Variants in GSE1 observed in about 807,000 individuals in gnomAD.
The protein encoded by GSE1 is Gse1 coiled-coil protein.
A neutral mutation model predicts 112.6 loss-of-function variants in GSE1; 32 were observed. That is an observed-to-expected ratio of 0.28 (90% CI 0.21 to 0.38). GSE1 has a LOEUF of 0.38. GSE1 is among the 10% of genes least tolerant of loss of function. The probability of loss-of-function intolerance (pLI) is 1.00; values close to 1 mark genes in which losing one functional copy is unlikely to be tolerated. For synonymous variants in GSE1, 1,115 were observed against 735.6 expected, an observed-to-expected ratio of 1.52 and a Z score of -8.35; for missense variants, 2,348 against 1,699.2, an observed-to-expected ratio of 1.38 and a Z score of -6.71.
rs111883715 is a variant in GSE1 at position 85,412,850 on chromosome 16, C to T, written c.2464+55207C>T. Among the ~76,000 whole-genome samples the T allele has an allele frequency of 3.3e-3, 509 of 152,252 alleles. 4 individuals are homozygous for T. Among genetic ancestry groups the T allele is most frequent in the African/African-American group, 0.011 (462 of 41,512 alleles). ...CCCTTACCTTTTTGCCATATAAAGC[C>T]GCATTCACAGGTTCCAGGGATGAGG... On this transcript the variant is annotated intron_variant, in intron 2 of 2. Coordinates refer to the GSE1 transcript ENST00000637419.
chr16:85,361,572 C>A (rs570715080), intron 2 of GSE1, among the ~76,000 whole-genome samples: 1 of 152,224 alleles, frequency 6.6e-6, no homozygotes, highest in Non-Finnish European at 1.5e-5. Flanking sequence ...GGGGCAGGAG[C>A]CTTTACCAGC....
At chr16:85,360,151 T>C (rs770386839) in intron 2 of GSE1, among the ~76,000 whole-genome samples, 6 of 152,178 alleles carry the variant, frequency 3.9e-5, no homozygotes, top group Non-Finnish European at 7.4e-5. Context: ...TGGTCACTCC[T>C]GAGTCCCTGG....
Position 85,672,525 on chromosome 16 carries a change from G to C in GSE1, c.3640G>C (p.Gly1214Arg), listed in dbSNP as rs566260105. The C allele has an allele frequency of 6.2e-7, 1 of 1,605,242 alleles. No homozygotes were observed. Among genetic ancestry groups the C allele is most frequent in the Non-Finnish European group, 8.5e-7 (1 of 1,173,152 alleles). Reference protein sequence around the residue: ...AMHWPRGYLKGYPR With the variant: ...AMHWPRGYLKRYPR ...GCACTGGCCTAGGGGCTACCTGAAG[G>C]GATATCCCAGGTGACGGTTTCCCTT... The change falls in exon 16 of 16, where the codon GGA becomes CGA. Residue 1214 changes from glycine (G) to arginine (R), a missense_variant. By Grantham distance (125) the Gly-to-Arg change is moderately radical. Transcript: ENST00000253458.
intron 2 of GSE1, among the ~76,000 whole-genome samples, chr16:85,440,935 G>A (rs142246571): frequency 3.9e-5 from 6 of 152,326 alleles, no homozygotes; most frequent in Non-Finnish European, 5.9e-5. Context: ...GTGGCAATTC[G>A]AGCCCTGGGC....
chr16:85,666,809 C>T (rs929932183), intron 13 of GSE1, among the ~76,000 whole-genome samples: 1 of 152,252 alleles, frequency 6.6e-6, no homozygotes, highest in South Asian at 2.1e-4. Flanking sequence ...AAGATGTCAC[C>T]ACCAGCCCTC....
intron 7 of GSE1, 104 bp downstream of exon 7, chr16:85,656,769 A>C: frequency 1.4e-6 from 2 of 1,410,238 alleles, no homozygotes; most frequent in East Asian, 2.5e-5. Context: ...AATGTTCCCC[A>C]GCTGAGTTCG....
chr16:85,556,146 G>GGA (rs1411774441), exon 1 of GSE1: 89 of 957,926 alleles, frequency 9.3e-5, no homozygotes, highest in Non-Finnish European at 1.1e-4. Flanking sequence ...TGCGGGGCGG[G>GGA]GGGGGGAAAG....
chr16:85,662,761 G>A, intron 9 of GSE1: 1 of 541,048 alleles, frequency 1.8e-6, no homozygotes, highest in Non-Finnish European at 3.3e-6. Context: ...GCTACTGGGA[G>A]CCATGGATCC....
chr16:85,500,621 C>T (rs891372399), intron 2 of GSE1, among the ~76,000 whole-genome samples: 2 of 152,226 alleles, frequency 1.3e-5, no homozygotes, highest in African/African-American at 4.8e-5. Context: ...GCCAGGGCAT[C>T]GGCCAGCCGC....
At chr16:85,524,407 G>T (rs1351017331) in intron 2 of GSE1, among the ~76,000 whole-genome samples, 1 of 152,164 alleles carries the variant, frequency 6.6e-6, no homozygotes, top group Non-Finnish European at 1.5e-5. Flanking sequence ...GCGAAGCTCA[G>T]AATGGGATAG....
At chr16:85,222,001 C>A (rs1423788379) in intron 1 of GSE1, among the ~76,000 whole-genome samples, 1 of 152,152 alleles carries the variant, frequency 6.6e-6, no homozygotes, top group Non-Finnish European at 1.5e-5. Context: ...CCGGGGAGGC[C>A]CACAGCAGCC....
chr16:85,481,381 A>G (rs1023225780), intron 2 of GSE1, among the ~76,000 whole-genome samples: 2 of 152,200 alleles, frequency 1.3e-5, no homozygotes, highest in Non-Finnish European at 2.9e-5. Flanking sequence ...AACTCTGGGG[A>G]CAGAGGAGCT....
At position 85,253,601 on chromosome 16, in the gene GSE1, AG is replaced by A. The variant is rs200696990; in HGVS notation, c.2283+81795del. Among the ~76,000 whole-genome samples the A allele has an allele frequency of 4.5e-4, 69 of 152,342 alleles. No individual in the cohort carries two copies. In the East Asian group the frequency reaches 0.012, roughly 27 times the overall value. On this transcript the variant is annotated intron_variant, in intron 1 of 2. Coordinates refer to the GSE1 transcript ENST00000637419. ...ACTGTGCCAGGGTGGGCTATGGCACAGTGTGATTGATGCCACTGGTCGGAGC... is the reference window on the plus strand; with the variant it reads ...ACTGTGCCAGGGTGGGCTATGGCACATGTGATTGATGCCACTGGTCGGAGC...
intron 1 of GSE1, among the ~76,000 whole-genome samples, chr16:85,223,133 A>G (rs951524558): frequency 5.3e-5 from 8 of 152,170 alleles, no homozygotes; most frequent in South Asian, 2.1e-4. Context: ...GAGGCAGAAA[A>G]AAGTCTTCAA....
chr16:85,553,320 G>GT, upstream of GSE1, among the ~76,000 whole-genome samples: 1 of 150,778 alleles, frequency 6.6e-6, no homozygotes, highest in Middle Eastern at 3.4e-3. Context: ...CTGCCGGCGG[G>GT]TGCAAGGGGA....
At chr16:85,584,044 C>A (rs2046572671) in intron 1 of GSE1, among the ~76,000 whole-genome samples, 1 of 152,222 alleles carries the variant, frequency 6.6e-6, no homozygotes, top group South Asian at 2.1e-4. Flanking sequence ...GCTGCCTGAT[C>A]AGTTTCATTC....
At position 85,654,853 on chromosome 16, in the gene GSE1, G is replaced by C; in HGVS notation, c.659G>C (p.Arg220Thr). 6.2e-7 allele frequency: 1 copy of C among 1,612,086 alleles called. No individual in the cohort carries two copies. The highest frequency in any genetic ancestry group is 8.5e-7 in the Non-Finnish European group (1 of 1,179,626). Reference protein sequence around the residue: ...PPSTVTEDYLRSFRPYHTTDD... With the variant: ...PPSTVTEDYLTSFRPYHTTDD... ...AGTACCGTGACCGAGGACTACCTGA[G>C]AAGCTTCCGGCCCTACCACACCACC... Residue 220 changes from arginine to threonine, a missense_variant, in exon 5 of 16, where the codon AGA becomes ACA. By Grantham distance (71) the Arg-to-Thr change is moderately conservative (BLOSUM62 -1). Transcript: ENST00000253458.
At chr16:85,622,783 G>T (rs1434072598) in intron 1 of GSE1, among the ~76,000 whole-genome samples, 1 of 152,328 alleles carries the variant, frequency 6.6e-6, no homozygotes, top group East Asian at 1.9e-4. Context: ...CTGAAGCTGA[G>T]CCTGGGAAGG....
Position 85,409,420 on chromosome 16 carries a change from T to A in GSE1, c.2464+51777T>A, listed in dbSNP as rs1296938162. On this transcript the variant is annotated intron_variant, in intron 2 of 2. Coordinates refer to the GSE1 transcript ENST00000637419. Reference sequence around the variant, plus strand: ...TTACACTCAGGGCCCCCCTGGATAATCCTCACTGTTACACTCAGGGCCCCC... The same window carrying A: ...TTACACTCAGGGCCCCCCTGGATAAACCTCACTGTTACACTCAGGGCCCCC... Among the ~76,000 whole-genome samples the A allele has an allele frequency of 1.7e-3, 48 of 27,638 alleles. 1 individual carries two copies. Among genetic ancestry groups the A allele is most frequent in the African/African-American group, 7.1e-3 (39 of 5,500 alleles). 18.1% of individuals were successfully genotyped at this position (27,638 alleles called of 152,430 possible).
Sources: allele counts gnomAD v4.1 joint callset (sites outside exome capture counted in the v4.1 genomes callset), GRCh38; gene constraint gnomAD v4.1.1; transcripts MANE v1.5; gene names NCBI Gene and HGNC (gene_info 2026-07-23, HGNC 2026-07-21).